MAP4: variants seen among roughly 807,000 people sequenced by gnomAD.
The protein encoded by MAP4 is microtubule-associated protein 4.
MAP4 carries 76 observed loss-of-function variants against 170.2 expected under a neutral mutation model. The observed-to-expected ratio is 0.45, with a 90% CI of 0.37 to 0.54. The LOEUF (loss-of-function observed/expected upper bound fraction) is 0.54, where lower values mean the gene tolerates loss of function less well. Ranked by LOEUF, MAP4 falls within the 20% of genes least tolerant of loss-of-function variation. The pLI is 0.00. For missense variants in MAP4, 2,506 were observed against 2,748.0 expected (o/e 0.91, Z 1.97); for synonymous variants, 909 against 994.5 (o/e 0.91, Z 1.62).
At chr3:48,013,406 A>G (rs2100106294) in intron 1 of MAP4, 1 of 152,180 alleles carries the variant, frequency 6.6e-6, no homozygotes, top group Non-Finnish European at 1.5e-5. Context: ...GTAAGAGTCA[A>G]GAGAATTTGA....
chr3:48,000,430 T>C (rs1170174369), intron 1 of MAP4, among the ~76,000 whole-genome samples: 2 of 152,140 alleles, frequency 1.3e-5, no homozygotes, highest in Non-Finnish European at 2.9e-5. Context: ...AGATCCTTAG[T>C]TGCACAATGT....
At chr3:47,934,501 C>T (rs2100051620) in intron 3 of MAP4, among the ~76,000 whole-genome samples, 1 of 152,140 alleles carries the variant, frequency 6.6e-6, no homozygotes, top group African/African-American at 2.4e-5. Flanking sequence ...AGGATTTCAC[C>T]ATGTTACCTA....
intron 3 of MAP4, among the ~76,000 whole-genome samples, chr3:47,955,611 C>G (rs1248663779): frequency 6.6e-6 from 1 of 152,172 alleles, no homozygotes; most frequent in Non-Finnish European, 1.5e-5. Context: ...CAGAGACCCA[C>G]TGCAGCAATG....
chr3:48,003,127 T>C (rs1193151857), intron 1 of MAP4, among the ~76,000 whole-genome samples: 2 of 151,940 alleles, frequency 1.3e-5, no homozygotes, highest in African/African-American at 4.8e-5. Context: ...TAATAATAGA[T>C]GTCATAAAGA....
At position 47,911,507 on chromosome 3, in the gene MAP4, A is replaced by C; in HGVS notation, c.2914T>G (p.Leu972Val). The C allele has an allele frequency of 6.5e-7, 1 of 1,535,856 alleles. No homozygotes were observed. The highest frequency in any genetic ancestry group is 2.4e-5 in the East Asian group (1 of 40,910). Residue 972 changes from leucine (L) to valine (V), a missense_variant, in exon 9 of 21, where the codon TTG (leucine) becomes GTG (valine). Coordinates refer to ENST00000683076, the MANE Select transcript of MAP4 (RefSeq NM_001385682.1). The surrounding 1 kb of genome is among the most constrained non-coding windows in gnomAD (Gnocchi z 4.0). ...TTACTTGCTATCAAAGTGGGTACCA[A>C]ATTTGGTATTTCTTTTGCTGCTGTG... ...KPTAAKEIPN[L>V]VPTLIASNPL...
intron 3 of MAP4, among the ~76,000 whole-genome samples, chr3:47,963,099 T>C (rs2100072664): frequency 1.3e-5 from 2 of 152,256 alleles, no homozygotes; most frequent in African/African-American, 4.8e-5. Flanking sequence ...GAGCTCACTT[T>C]TGAAGTTTCA....
At chr3:47,900,456 AAGGCCGGGCATGGT>A in intron 10 of MAP4, among the ~76,000 whole-genome samples, 1 of 152,236 alleles carries the variant, frequency 6.6e-6, no homozygotes, top group Non-Finnish European at 1.5e-5. Flanking sequence ...AAATCCTCTA[AAGGCCGGGCATGGT>A]AGCTAAGGCC....
At chr3:48,016,073 T>C (rs1333668226) in intron 1 of MAP4, among the ~76,000 whole-genome samples, 2 of 152,234 alleles carry the variant, frequency 1.3e-5, no homozygotes, top group East Asian at 1.9e-4. Context: ...CTGTTCATCA[T>C]AGGATTAGCA....
At chr3:48,012,655 C>G (rs2100105865) in intron 1 of MAP4, among the ~76,000 whole-genome samples, 1 of 152,102 alleles carries the variant, frequency 6.6e-6, no homozygotes, top group South Asian at 2.1e-4. Flanking sequence ...CTCAGCACCC[C>G]CACCCCGCCC....
At chr3:47,891,795 G>A in intron 10 of MAP4, 1 of 1,536,418 alleles carries the variant, frequency 6.5e-7, no homozygotes, top group Non-Finnish European at 8.7e-7. Flanking sequence ...GACACCAGGA[G>A]TGGGGACTCA....
chr3:48,013,563 T>C (rs1440465090), intron 1 of MAP4: 1 of 152,160 alleles, frequency 6.6e-6, no homozygotes, highest in Admixed American at 6.6e-5. Context: ...AGGTTGATTA[T>C]TCTATCAGCT....
In MAP4 at chr3:47,952,816, C is replaced by T. The variant is rs186881157; in HGVS notation, c.293-24466G>A. The stretch of plus-strand genomic sequence containing the variant: ...GCATGAGCCTGTAGTCCCAACTACT[C>T]GGGAGGCTGAGGCAGAAAAATTGCT... On this transcript the variant is annotated intron_variant, in intron 3 of 20. Coordinates refer to ENST00000683076, the MANE Select transcript of MAP4 (RefSeq NM_001385682.1). 1.7e-4 allele frequency among the ~76,000 whole-genome samples: 26 copies of T among 151,792 alleles called. No homozygotes were observed. In the East Asian group the frequency reaches 2.3e-3, roughly 14 times the overall value.
intron 1 of MAP4, among the ~76,000 whole-genome samples, chr3:48,051,597 G>A (rs1579578907): frequency 6.6e-6 from 1 of 152,134 alleles, no homozygotes; most frequent in Non-Finnish European, 1.5e-5. Context: ...AGAGGGAATA[G>A]TCTATACAGC....
At chr3:48,002,060 T>G (rs1008402058) in intron 1 of MAP4, among the ~76,000 whole-genome samples, 1 of 151,944 alleles carries the variant, frequency 6.6e-6, no homozygotes, top group Non-Finnish European at 1.5e-5. Flanking sequence ...GTGACCCAGA[T>G]GTGGTGGCAT....
intron 1 of MAP4, among the ~76,000 whole-genome samples, chr3:48,048,570 T>C: frequency 7.5e-6 from 1 of 133,584 alleles, no homozygotes; most frequent in East Asian, 2.4e-4. Flanking sequence ...CAGGCTAGAG[T>C]GCAGTGGCAG....
chr3:47,915,554 G>C (rs1426347872), intron 7 of MAP4, among the ~76,000 whole-genome samples: 1 of 152,178 alleles, frequency 6.6e-6, no homozygotes, highest in African/African-American at 2.4e-5. Flanking sequence ...GTAGGAAAGA[G>C]GAGATGGAAT....
At chr3:48,021,133 C>G (rs965073702), upstream of MAP4, among the ~76,000 whole-genome samples, 4 of 152,110 alleles carry the variant, frequency 2.6e-5, no homozygotes, top group African/African-American at 7.2e-5. Context: ...AGGATTAATA[C>G]AACTTAACAA....
chr3:47,967,517 C>T (rs1056812032), intron 3 of MAP4, among the ~76,000 whole-genome samples: 3 of 151,984 alleles, frequency 2.0e-5, no homozygotes, highest in Non-Finnish European at 4.4e-5. Flanking sequence ...CTGGGCATGG[C>T]GGCAGGCGCC....
intron 1 of MAP4, among the ~76,000 whole-genome samples, chr3:48,063,823 G>A (rs1047295925): frequency 6.6e-6 from 1 of 152,216 alleles, no homozygotes; most frequent in African/African-American, 2.4e-5. Context: ...AAAGATATTA[G>A]TGGTTACAGT....
Sources: gnomAD v4.1 joint callset for allele counts (sites outside exome capture counted in the v4.1 genomes callset) on GRCh38, gnomAD v4.1.1 for gene constraint, Gnocchi (gnomAD v3.1) non-coding constraint, MANE v1.5 for transcripts, NCBI Gene and HGNC (gene_info 2026-07-23, HGNC 2026-07-21) for gene names.